Variants in SLC4A3 observed in about 807,000 individuals in gnomAD.
SLC4A3 encodes the protein anion exchange protein 3.
Under a neutral mutation model 114.2 loss-of-function variants are expected in SLC4A3, and 47 were observed. The observed-to-expected ratio is 0.41, with a 90% CI of 0.33 to 0.52. The LOEUF (loss-of-function observed/expected upper bound fraction) is 0.52, where lower values mean the gene tolerates loss of function less well. Among genes scored for constraint, SLC4A3 ranks in the 20% least tolerant of loss-of-function variants. The pLI is 0.21. For synonymous variants in SLC4A3, 693 were observed against 710.3 expected (o/e 0.98, Z 0.39); for missense variants, 1,312 against 1,668.3 (o/e 0.79, Z 3.72).
Position 219,635,827 on chromosome 2 carries a change from G to C in SLC4A3, c.2127G>C (p.Val709=), listed in dbSNP as rs1380257701. Reference sequence around the variant, plus strand: ...GAGATGCGCTGCACTCCCAGTGTGTGGCCGCTGTGCTCTTCATCTACTTCG... The same window carrying C: ...GAGATGCGCTGCACTCCCAGTGTGTCGCCGCTGTGCTCTTCATCTACTTCG... The part of the protein sequence containing the change: ...DLRDALHSQC[V]AAVLFIYFAA... The change falls in exon 14 of 23, where the codon GTG becomes GTC. Residue 709 remains valine, a synonymous_variant. Coordinates refer to ENST00000358055, the MANE Select transcript of SLC4A3 (RefSeq NM_005070.4). The C allele has an allele frequency of 2.5e-6, 4 of 1,587,710 alleles. No individual in the cohort carries two copies. The highest frequency in any genetic ancestry group is 3.4e-6 in the Non-Finnish European group (4 of 1,168,536).
At chr2:219,634,326 G>A in intron 11 of SLC4A3, 94 bp from the exon 12 acceptor site, 1 of 1,276,132 alleles carries the variant, frequency 7.8e-7, no homozygotes, top group Middle Eastern at 1.9e-4. Context: ...TTTACAACCT[G>A]CTCAACTGTC....
chr2:219,632,498 C>T, intron 8 of SLC4A3, 56 bp downstream of exon 8: 1 of 1,500,598 alleles, frequency 6.7e-7, no homozygotes, highest in South Asian at 1.3e-5. Flanking sequence ...CTGTGCCAGG[C>T]TGCTCAGTTC....
At position 219,633,897 on chromosome 2, in the gene SLC4A3, TG is replaced by T; in HGVS notation, c.1484del (p.Gly495GlufsTer9). On this transcript the variant is annotated frameshift_variant, in exon 11 of 23. Transcript: ENST00000358055. LOFTEE classifies it high-confidence loss of function. ...DAKEKPLHMP[G>X]GDGHRGKSLK... Reference sequence around the variant, plus strand: ...GTCCTCAGAAGCCCCTCCACATGCCTGGGGGAGATGGTCACCGGGGGAAAAG... The same window carrying T: ...GTCCTCAGAAGCCCCTCCACATGCCTGGGGAGATGGTCACCGGGGGAAAAG... The T allele has an allele frequency of 6.4e-7, 1 of 1,559,434 alleles. No homozygotes were observed.
In SLC4A3 at chr2:219,640,848, C is replaced by T. The variant is rs1437611867; in HGVS notation, c.3507C>T (p.Leu1169=). 1 of 1,612,686 alleles carries T rather than the reference C, an allele frequency of 6.2e-7. No individual in the cohort carries two copies. The change falls in exon 22 of 23, where the codon CTC becomes CTT. Residue 1169 remains leucine, a synonymous_variant. Coordinates refer to ENST00000358055, the MANE Select transcript of SLC4A3 (RefSeq NM_005070.4). ...TCCAGCTGGGCTGCATCGCACTGCT[C>T]TGGGTGGTCAAGTCCACGGCGGCCT... is the stretch of plus-strand genomic sequence containing the variant. ...TCIQLGCIAL[L]WVVKSTAASL... is the part of the protein sequence containing the mutation.
rs551154312 is a variant in SLC4A3, at chr2:219,632,451, C to T, written c.1141+9C>T. On this transcript the variant is annotated intron_variant, in intron 8 of 22. Transcript: ENST00000358055. ...GAGGACCATCGCCCATGGTAGGGAC[C>T]CCCAGGCCTGGCCCGAGGCTGCAAG... is the stretch of plus-strand genomic sequence containing the variant. 1.9e-6 allele frequency: 3 copies of T among 1,579,238 alleles called. No individual in the cohort carries two copies. The highest frequency in any genetic ancestry group is 1.7e-4 in the Middle Eastern group (1 of 5,844).
At position 219,630,729 on chromosome 2, in the gene SLC4A3, C is replaced by T. The variant is rs1032730282; in HGVS notation, c.811+377C>T. Among the ~76,000 whole-genome samples the T allele has an allele frequency of 2.0e-5, 3 of 152,208 alleles. No homozygotes were observed. Among genetic ancestry groups the T allele is most frequent in the African/African-American group, 7.2e-5 (3 of 41,446 alleles). ...CCTGAGTCTGAGCCATTGCTCCGGA[C>T]CCCTGCCTCTCCCTGTGTCAGGACC... On this transcript the variant is annotated intron_variant, in intron 6 of 22. Transcript: ENST00000358055. This position sits in a 1 kb window ranked among gnomAD's most constrained non-coding sequence, Gnocchi z 6.9.
At chr2:219,632,742 T>C in intron 8 of SLC4A3, 132 bp from the exon 9 acceptor site, 14 of 1,155,804 alleles carry the variant, frequency 1.2e-5, no homozygotes, top group East Asian at 4.9e-5. Context: ...TGGAGCTGTG[T>C]ATCCATCTGG....
Position 219,636,685 on chromosome 2 carries a change from C to T in SLC4A3, c.2346C>T (p.Cys782=), listed in dbSNP as rs757979448. The T allele has an allele frequency of 1.9e-6, 3 of 1,612,830 alleles. No homozygotes were observed. Among genetic ancestry groups the T allele is most frequent in the Non-Finnish European group, 2.5e-6 (3 of 1,179,356 alleles). Residue 782 remains cysteine (C), a synonymous_variant, in exon 16 of 23, where the codon TGC becomes TGT. Transcript: ENST00000358055. The surrounding 1 kb of genome is among the most constrained non-coding windows in gnomAD (Gnocchi z 5.5). ...LVFEEAFFKF[C]RAQDLEYLTG... ...CCGCTCCTACCCCCACCTAGTTCTG[C>T]CGAGCCCAGGACCTGGAGTACCTCA...
In SLC4A3 at chr2:219,637,457, C is replaced by A; in HGVS notation, c.2536-124C>A. The A allele has an allele frequency of 4.9e-6, 3 of 607,968 alleles. No individual in the cohort carries two copies. Among genetic ancestry groups the A allele is most frequent in the Non-Finnish European group, 8.9e-6 (3 of 335,450 alleles). 37.7% of individuals were successfully genotyped at this position (607,968 alleles called of 1,614,324 possible). A position where few individuals can be genotyped will look rare whatever the true frequency, so the allele number is the denominator to read the frequency against. ...TGTGTGTGTGGTGCAGCTGGATGTC[C>A]GTGCATTACTGTTGTCTGACCAGGT... On this transcript the variant is annotated intron_variant, in intron 16 of 22. Coordinates refer to ENST00000358055, the MANE Select transcript of SLC4A3 (RefSeq NM_005070.4). The surrounding 1 kb of genome is among the most constrained non-coding windows in gnomAD (Gnocchi z 4.6).
rs762687683 is a variant in SLC4A3 at position 219,635,789 on chromosome 2, C to G, written c.2089C>G (p.Pro697Ala). ...TGTGAGGCGCCGGTACCCGCACTAC[C>G]CCAGTGACCTGCGAGATGCGCTGCA... ...RDVRRRYPHY[P>A]SDLRDALHSQ... The change falls in exon 14 of 23, where the codon CCC becomes GCC. Residue 697 changes from proline (P) to alanine (A), a missense_variant. By Grantham distance (27) the Pro-to-Ala change is conservative. Coordinates refer to ENST00000358055, the MANE Select transcript of SLC4A3 (RefSeq NM_005070.4). 4 of 1,594,148 alleles carry G rather than the reference C, an allele frequency of 2.5e-6. No homozygotes were observed. Among genetic ancestry groups the G allele is most frequent in the Non-Finnish European group, 3.4e-6 (4 of 1,172,344 alleles).
Position 219,632,285 on chromosome 2 carries a change from G to A in SLC4A3, c.984G>A (p.Leu328=). The A allele has an allele frequency of 6.2e-7, 1 of 1,614,094 alleles. No individual in the cohort carries two copies. Among genetic ancestry groups the A allele is most frequent in the Non-Finnish European group, 8.5e-7 (1 of 1,180,022 alleles). ...PHEVFVELNE[L]MLDRSQEPHW... ...AGGTGTTCGTGGAGCTGAACGAGCTGATGCTGGACCGCAGCCAGGAGCCCC... is the reference window on the plus strand; with the variant it reads ...AGGTGTTCGTGGAGCTGAACGAGCTAATGCTGGACCGCAGCCAGGAGCCCC... Residue 328 remains leucine (L), a synonymous_variant, in exon 8 of 23, where the codon CTG becomes CTA. Coordinates refer to ENST00000358055, the MANE Select transcript of SLC4A3 (RefSeq NM_005070.4).
chr2:219,635,796 A>G lies in SLC4A3; in HGVS notation c.2096A>G (p.Asp699Gly), dbSNP rs751360972. ...CGCCGGTACCCGCACTACCCCAGTGACCTGCGAGATGCGCTGCACTCCCAG... is the reference window on the plus strand; with the variant it reads ...CGCCGGTACCCGCACTACCCCAGTGGCCTGCGAGATGCGCTGCACTCCCAG... The part of the protein sequence containing the change: ...VRRRYPHYPS[D>G]LRDALHSQCV... Residue 699 changes from aspartate (D) to glycine (G), a missense_variant, in exon 14 of 23, where the codon GAC becomes GGC. By Grantham distance (94) the Asp-to-Gly change is moderately conservative. Around this residue, in one of 4 missense-constraint regions of SLC4A3, gnomAD observed 771 missense variants for 977.7 expected, o/e 0.79. Transcript: ENST00000358055. 6.3e-7 allele frequency: 1 copy of G among 1,594,792 alleles called. No homozygotes were observed. Among genetic ancestry groups the G allele is most frequent in the South Asian group, 1.1e-5 (1 of 87,774 alleles).
chr2:219,641,801 C>G lies in SLC4A3; in HGVS notation c.*73C>G. 7.8e-7 allele frequency: 1 copy of G among 1,280,138 alleles called. No individual in the cohort carries two copies. The highest frequency in any genetic ancestry group is 1.1e-6 in the Non-Finnish European group (1 of 881,562). 79.3% of individuals were successfully genotyped at this position (1,280,138 alleles called of 1,614,324 possible). Reference sequence around the variant, plus strand: ...CACCTGGGCCTCAGGCAGAGCCCAGCCCTGGGCTGGGGGGCTCCTCAGGAC... The same window carrying G: ...CACCTGGGCCTCAGGCAGAGCCCAGGCCTGGGCTGGGGGGCTCCTCAGGAC... On this transcript the variant is annotated 3_prime_UTR_variant, in exon 23 of 23. Coordinates refer to ENST00000358055, the MANE Select transcript of SLC4A3 (RefSeq NM_005070.4). This position sits in a 1 kb window ranked among gnomAD's most constrained non-coding sequence, Gnocchi z 4.0.
Position 219,628,608 on chromosome 2 carries a change from C to T in SLC4A3, c.217+38C>T, listed in dbSNP as rs200621750. ...GGGACCCCTAGTGCGGCCGCCCTCG[C>T]CACCATCACCTTCATCGCCACCATC... On this transcript the variant is annotated intron_variant, in intron 3 of 22. Coordinates refer to ENST00000358055, the MANE Select transcript of SLC4A3 (RefSeq NM_005070.4). The surrounding 1 kb of genome is among the most constrained non-coding windows in gnomAD (Gnocchi z 4.8). 1.2e-4 allele frequency: 187 copies of T among 1,600,068 alleles called. No individual in the cohort carries two copies. The African/African-American group carries it at 2.2e-3, about 19-fold the overall frequency.
rs111958692 is a variant in SLC4A3 at position 219,639,784 on chromosome 2, T to C, written c.3277+49T>C. ...ACACCCCCTTCCTTGGGCCCCACGG[T>C]CTTACATCTTCACTATCCCAGGCTT... On this transcript the variant is annotated intron_variant, in intron 20 of 22. Coordinates refer to ENST00000358055, the MANE Select transcript of SLC4A3 (RefSeq NM_005070.4). The surrounding 1 kb of genome is among the most constrained non-coding windows in gnomAD (Gnocchi z 5.9). 281 of 1,584,576 alleles carry C rather than the reference T, an allele frequency of 1.8e-4. 2 individuals carry two copies. The African/African-American group carries it at 3.6e-3, about 20-fold the overall frequency.
In SLC4A3 at chr2:219,636,664, T is replaced by G; in HGVS notation, c.2341-16T>G. On this transcript the variant is annotated splice_polypyrimidine_tract_variant and intron_variant, in intron 15 of 22. Coordinates refer to ENST00000358055, the MANE Select transcript of SLC4A3 (RefSeq NM_005070.4). This position sits in a 1 kb window ranked among gnomAD's most constrained non-coding sequence, Gnocchi z 5.5. The stretch of plus-strand genomic sequence containing the variant: ...CAGTCCACCTGTGGGTAACGACCGC[T>G]CCTACCCCCACCTAGTTCTGCCGAG... 1.2e-6 allele frequency: 2 copies of G among 1,609,988 alleles called. No individual in the cohort carries two copies. The highest frequency in any genetic ancestry group is 8.5e-7 in the Non-Finnish European group (1 of 1,177,608).
intron 4 of SLC4A3, 26 bp from the exon 5 acceptor site, chr2:219,629,554 C>G: frequency 6.3e-7 from 1 of 1,596,210 alleles, no homozygotes; most frequent in Non-Finnish European, 8.6e-7. Context: ...CGGGGCAAGG[C>G]CCCAGGGCAC....
chr2:219,631,450 C>G lies in SLC4A3; in HGVS notation c.812-518C>G. On this transcript the variant is annotated intron_variant, in intron 6 of 22. Coordinates refer to ENST00000358055, the MANE Select transcript of SLC4A3 (RefSeq NM_005070.4). This position sits in a 1 kb window ranked among gnomAD's most constrained non-coding sequence, Gnocchi z 6.3. ...CAGCTGGGCCCCATGGCAGGGCCAC[C>G]AACTTGTGAGTAACGGGGCTGCTGG... 7.7e-7 allele frequency: 1 copy of G among 1,303,504 alleles called. No individual in the cohort carries two copies. The highest frequency in any genetic ancestry group is 1.0e-6 in the Non-Finnish European group (1 of 988,384). The allele number at this position is 1,303,504 out of a possible 1,614,324, so 80.7% of individuals were successfully genotyped here.
In SLC4A3 at chr2:219,635,700, A is replaced by G; in HGVS notation, c.2000A>G (p.Glu667Gly). ...KELSLELGGS[E>G]ATPEDDPLLR... ...CTGTCTTTGGAGTTGGGGGGCTCTG[A>G]GGCAACCCCTGAAGATGACCCCTTG... The change falls in exon 14 of 23, where the codon GAG becomes GGG. Residue 667 changes from glutamate to glycine, a missense_variant. Physicochemically the swap from Glu to Gly is moderately conservative, Grantham distance 98. Around this residue, in one of 4 missense-constraint regions of SLC4A3, gnomAD observed 771 missense variants for 977.7 expected, o/e 0.79. Coordinates refer to ENST00000358055, the MANE Select transcript of SLC4A3 (RefSeq NM_005070.4). The G allele has an allele frequency of 6.3e-7, 1 of 1,592,386 alleles. No individual in the cohort carries two copies. Among genetic ancestry groups the G allele is most frequent in the South Asian group, 1.1e-5 (1 of 87,248 alleles).
Sources: gnomAD v4.1 joint callset for allele counts (sites outside exome capture counted in the v4.1 genomes callset) on GRCh38, gnomAD v4.1.1 for gene constraint, gnomAD v4.1.1 regional missense constraint, Gnocchi (gnomAD v3.1) non-coding constraint, MANE v1.5 for transcripts, NCBI Gene and HGNC (gene_info 2026-07-23, HGNC 2026-07-21) for gene names.